ARHGAP22: variants seen among roughly 807,000 people sequenced by gnomAD.
ARHGAP22 encodes Rho GTPase activating protein 22, also known as rho GTPase-activating protein 22.
A neutral mutation model predicts 59.1 loss-of-function variants in ARHGAP22; 48 were observed. The observed-to-expected ratio is 0.81, with a 90% CI of 0.64 to 1.03. The LOEUF (loss-of-function observed/expected upper bound fraction) is 1.03, where lower values mean the gene tolerates loss of function less well. ARHGAP22 is among the 50% of genes least tolerant of loss of function. The pLI, the probability that ARHGAP22 is intolerant of heterozygous loss-of-function variation, is 0.00. For synonymous variants in ARHGAP22, 445 were observed against 416.4 expected (o/e 1.07, Z -0.84); for missense variants, 1,015 against 958.7 (o/e 1.06, Z -0.78).
chr10:48,553,774 T>C (rs2135298156), intron 3 of ARHGAP22, among the ~76,000 whole-genome samples: 1 of 152,310 alleles, frequency 6.6e-6, no homozygotes, highest in Non-Finnish European at 1.5e-5. Flanking sequence ...TTCTTGTAAA[T>C]AGCTCTGACC....
intron 3 of ARHGAP22, among the ~76,000 whole-genome samples, chr10:48,505,017 A>G (rs2051944981): frequency 6.7e-6 from 1 of 148,276 alleles, no homozygotes; most frequent in Admixed American, 6.7e-5. Context: ...AAGTCCCACC[A>G]CACCCTGCTT....
chr10:48,630,721 A>G (rs2061601765), intron 1 of ARHGAP22, among the ~76,000 whole-genome samples: 1 of 152,152 alleles, frequency 6.6e-6, no homozygotes, highest in Non-Finnish European at 1.5e-5. Context: ...TGCATAGACA[A>G]TCCTGTCTTC....
At chr10:48,438,719 T>C in the ARHGAP22 span, 1 of 152,210 alleles carries the variant, frequency 6.6e-6, no homozygotes, top group African/African-American at 2.4e-5. Flanking sequence ...TTAAATACTT[T>C]CTAGCCAATG....
chr10:48,635,631 T>G (rs935609863), intron 1 of ARHGAP22, among the ~76,000 whole-genome samples: 2 of 152,170 alleles, frequency 1.3e-5, no homozygotes, highest in Non-Finnish European at 2.9e-5. Flanking sequence ...TTATGGCAGG[T>G]GAGTCTGCAC....
At chr10:48,618,085 A>G (rs1278311260) in intron 1 of ARHGAP22, among the ~76,000 whole-genome samples, 2 of 152,002 alleles carry the variant, frequency 1.3e-5, no homozygotes, top group African/African-American at 2.4e-5. Context: ...AAATAAATAA[A>G]TTATTTTCAA....
chr10:48,459,597 CT>C (rs1467922091), intron 5 of ARHGAP22, 86 bp downstream of exon 5: 2 of 1,481,372 alleles, frequency 1.4e-6, no homozygotes, highest in Admixed American at 1.7e-5. Context: ...TAGCCCACCC[CT>C]GCCCACTGGA....
chr10:48,640,014 A>G (rs577329534), intron 1 of ARHGAP22, among the ~76,000 whole-genome samples: 2 of 152,364 alleles, frequency 1.3e-5, no homozygotes, highest in East Asian at 1.9e-4. Context: ...GAGAATTTCA[A>G]TGAGATAGAA....
intron 3 of ARHGAP22, among the ~76,000 whole-genome samples, chr10:48,506,165 G>A (rs1402028265): frequency 6.6e-6 from 1 of 152,088 alleles, no homozygotes; most frequent in Non-Finnish European, 1.5e-5. Flanking sequence ...AGTTCTTTAG[G>A]TTCTTATAAA....
chr10:48,473,949 CAG>C (rs999063294), intron 4 of ARHGAP22, among the ~76,000 whole-genome samples: 1 of 152,206 alleles, frequency 6.6e-6, no homozygotes, highest in African/African-American at 2.4e-5. Flanking sequence ...TCTCTCCTCT[CAG>C]AGAGAGCTGG....
At chr10:48,652,400 T>C (rs1295420432) in exon 1 of ARHGAP22, 11 of 855,882 alleles carry the variant, frequency 1.3e-5, no homozygotes, top group Non-Finnish European at 1.8e-5. Context: ...TCCACATCTA[T>C]AGAAAAGAAA....
chr10:48,447,621 C>G (rs1438565456), intron 9 of ARHGAP22, among the ~76,000 whole-genome samples: 1 of 152,138 alleles, frequency 6.6e-6, no homozygotes, highest in Admixed American at 6.5e-5. Flanking sequence ...ACCCACCTCC[C>G]CACTGCTGCC....
intron 1 of ARHGAP22, among the ~76,000 whole-genome samples, chr10:48,619,029 AG>A (rs1018988544): frequency 2.0e-5 from 3 of 152,130 alleles, no homozygotes. Flanking sequence ...AGCATACAAA[AG>A]CCTATAGCAT....
intron 2 of ARHGAP22, among the ~76,000 whole-genome samples, chr10:48,568,899 C>A (rs139230748): frequency 1.3e-5 from 2 of 152,344 alleles, no homozygotes; most frequent in Non-Finnish European, 2.9e-5. Flanking sequence ...TGTTTCCAGT[C>A]TTCTCTGCCC....
intron 1 of ARHGAP22, among the ~76,000 whole-genome samples, chr10:48,596,879 C>T (rs936684537): frequency 3.3e-5 from 5 of 152,042 alleles, no homozygotes; most frequent in African/African-American, 1.2e-4. Context: ...TGCCCAGCTT[C>T]CTCCCTCTCA....
chr10:48,625,461 TG>T (rs1396517209), intron 1 of ARHGAP22, among the ~76,000 whole-genome samples: 1 of 152,250 alleles, frequency 6.6e-6, no homozygotes, highest in East Asian at 1.9e-4. Flanking sequence ...ACCCTAATCA[TG>T]CATAAGGCTG....
chr10:48,454,955 C>T (rs975964307), intron 6 of ARHGAP22, 47 bp downstream of exon 6: 5 of 1,528,828 alleles, frequency 3.3e-6, no homozygotes, highest in African/African-American at 1.4e-5. Flanking sequence ...TACAGGCTGC[C>T]ACCCAGCCAG....
At chr10:48,509,056 TCTC>T (rs1337322326) in intron 3 of ARHGAP22, among the ~76,000 whole-genome samples, 2 of 152,348 alleles carry the variant, frequency 1.3e-5, no homozygotes, top group African/African-American at 4.8e-5. Flanking sequence ...AAGGCTTTAT[TCTC>T]CTGGGTTCCC....
At chr10:48,551,871 T>C (rs970003691) in intron 3 of ARHGAP22, among the ~76,000 whole-genome samples, 1 of 152,170 alleles carries the variant, frequency 6.6e-6, no homozygotes, top group South Asian at 2.1e-4. Flanking sequence ...GGAGGCCCCA[T>C]ATGGCCAGAT....
chr10:48,447,328 A>G (rs1449948785), intron 9 of ARHGAP22, among the ~76,000 whole-genome samples: 1 of 152,166 alleles, frequency 6.6e-6, no homozygotes, highest in Non-Finnish European at 1.5e-5. Context: ...AGCCCCTGGG[A>G]ACATATGCTG....
Sources: allele counts gnomAD v4.1 joint callset (sites outside exome capture counted in the v4.1 genomes callset), GRCh38; gene constraint gnomAD v4.1.1; transcripts MANE v1.5; gene names NCBI Gene and HGNC (gene_info 2026-07-23, HGNC 2026-07-21).